Variants in TEF observed in about 807,000 individuals in gnomAD.
TEF encodes TEF transcription factor, PAR bZIP family member, also known as thyrotroph embryonic factor.
Under a neutral mutation model 20.8 loss-of-function variants are expected in TEF, and 3 were observed. The ratio of observed to expected loss-of-function variants is 0.14; its 90% CI spans 0.07 to 0.37. TEF has a LOEUF of 0.37. Ranked by LOEUF, TEF falls within the 10% of genes least tolerant of loss-of-function variation. TEF has a pLI of 1.00. For missense variants in TEF, 296 were observed against 397.9 expected (o/e 0.74, Z 2.18); for synonymous variants, 180 against 171.1 (o/e 1.05, Z -0.41).
In TEF at chr22:41,382,178, A is replaced by C. The variant is rs1295588262; in HGVS notation, c.134A>C (p.Asn45Thr). 5.0e-6 allele frequency: 5 copies of C among 1,008,572 alleles called. No homozygotes were observed. In the South Asian group the frequency reaches 1.4e-4, roughly 28 times the overall value. 62.5% of individuals were successfully genotyped at this position (1,008,572 alleles called of 1,614,324 possible). Residue 45 changes from asparagine (N) to threonine (T), a missense_variant, in exon 1 of 4, where the codon AAC becomes ACC. Transcript: ENST00000266304. ...FPLVLKKLME[N>T]PPREARLDKE... is the part of the protein sequence containing the mutation. ...CTGGTCCTGAAGAAGCTGATGGAGA[A>C]CCCCCCGCGCGAGGCGCGCCTCGGT...
chr22:41,368,303 C>A (rs1430554116), intron 1 of TEF, among the ~76,000 whole-genome samples: 5 of 152,120 alleles, frequency 3.3e-5, no homozygotes, highest in East Asian at 3.8e-4. Context: ...TCAGAGGTCA[C>A]CCCCAGGTCC....
rs2037237574 is a variant in TEF at position 41,397,023 on chromosome 22, G to A, written c.*1063G>A. On this transcript the variant is annotated 3_prime_UTR_variant, in exon 4 of 4. Transcript: ENST00000266304. ...TCACCGGTGTGGCCTGGGCTGGAGTGCACTCTCCCTGGGGGCAGCTGGGGC... is the reference window on the plus strand; with the variant it reads ...TCACCGGTGTGGCCTGGGCTGGAGTACACTCTCCCTGGGGGCAGCTGGGGC... 1 of 398,876 alleles carries A rather than the reference G, an allele frequency of 2.5e-6. No homozygotes were observed. The highest frequency in any genetic ancestry group is 3.6e-5 in the East Asian group (1 of 28,074). 24.7% of individuals were successfully genotyped at this position (398,876 alleles called of 1,614,324 possible).
rs1253286856 is a variant in TEF, at chr22:41,399,151, G to C, written c.*3191G>C. The C allele has an allele frequency of 6.6e-6, 1 of 152,648 alleles. No homozygotes were observed. Among genetic ancestry groups the C allele is most frequent in the African/African-American group, 2.4e-5 (1 of 41,420 alleles). The allele number at this position is 152,648 out of a possible 1,614,324, so 9.5% of individuals were successfully genotyped here. On this transcript the variant is annotated 3_prime_UTR_variant, in exon 4 of 4. Coordinates refer to ENST00000266304, the MANE Select transcript of TEF (RefSeq NM_003216.4). Reference sequence around the variant, plus strand: ...TCTTTACCTTTGTTGGGGGAAGGAGGCAAGAGAGAAATTCCTTCTTCCCAG... The same window carrying C: ...TCTTTACCTTTGTTGGGGGAAGGAGCCAAGAGAGAAATTCCTTCTTCCCAG...
chr22:41,397,435 AGAG>A lies in TEF; in HGVS notation c.*1479_*1481del, dbSNP rs2037243663. The A allele has an allele frequency of 4.2e-6, 1 of 235,900 alleles. No homozygotes were observed. Among genetic ancestry groups the A allele is most frequent in the Non-Finnish European group, 8.1e-6 (1 of 122,718 alleles). The allele number at this position is 235,900 out of a possible 1,614,324, so 14.6% of individuals were successfully genotyped here. ...GCTCAGGGCGGGCAGCCTATGGTGAAGAGGAGACAGAGGCGATGGGCGTGCTTC... is the reference window on the plus strand; with the variant it reads ...GCTCAGGGCGGGCAGCCTATGGTGAAGAGACAGAGGCGATGGGCGTGCTTC... On this transcript the variant is annotated 3_prime_UTR_variant, in exon 4 of 4. Transcript: ENST00000266304.
intron 2 of TEF, among the ~76,000 whole-genome samples, chr22:41,391,770 A>T (rs534325540): frequency 6.5e-4 from 98 of 151,780 alleles, no homozygotes; most frequent in African/African-American, 2.4e-3. Flanking sequence ...CTACAGGCGC[A>T]TGCCATCACG....
In TEF at chr22:41,398,498, A is replaced by G. The variant is rs1191976303; in HGVS notation, c.*2538A>G. ...AAAGCTTTGTGGCACCCTCAGTGCA[A>G]CCTCAGAACAGACAAATCATGAATG... is the stretch of plus-strand genomic sequence containing the variant. On this transcript the variant is annotated 3_prime_UTR_variant, in exon 4 of 4. Transcript: ENST00000266304. The G allele has an allele frequency of 2.6e-5, 4 of 153,740 alleles. No homozygotes were observed. Among genetic ancestry groups the G allele is most frequent in the Admixed American group, 6.5e-5 (1 of 15,272 alleles). The allele number at this position is 153,740 out of a possible 1,614,324, so 9.5% of individuals were successfully genotyped here.
At chr22:41,382,811 C>T (rs1467424970) in intron 1 of TEF, 4 of 446,538 alleles carry the variant, frequency 9.0e-6, no homozygotes, top group South Asian at 1.6e-5. Context: ...TAGTGTGAGG[C>T]GCCTTGGGAG....
intron 1 of TEF, among the ~76,000 whole-genome samples, chr22:41,375,787 G>C (rs570539462): frequency 3.3e-5 from 5 of 151,698 alleles, no homozygotes; most frequent in Non-Finnish European, 4.4e-5. Flanking sequence ...TTGGTTAACT[G>C]TCCTACTAGT....
At chr22:41,384,132 A>G (rs2037067342) in intron 1 of TEF, among the ~76,000 whole-genome samples, 2 of 152,208 alleles carry the variant, frequency 1.3e-5, no homozygotes, top group Non-Finnish European at 2.9e-5. Flanking sequence ...CTGGGAGTCC[A>G]TGTGTGGCTG....
At chr22:41,393,559 A>G (rs2037191156) in intron 2 of TEF, among the ~76,000 whole-genome samples, 1 of 152,132 alleles carries the variant, frequency 6.6e-6, no homozygotes, top group Non-Finnish European at 1.5e-5. Context: ...GATCAAGACC[A>G]TCCTGGCTAA....
At chr22:41,378,933 G>A (rs2036980418), upstream of TEF, among the ~76,000 whole-genome samples, 1 of 152,202 alleles carries the variant, frequency 6.6e-6, no homozygotes, top group Admixed American at 6.5e-5. Flanking sequence ...AGTGACACAG[G>A]CACCACACTA....
In TEF at chr22:41,397,354, G is replaced by T. The variant is rs537662772; in HGVS notation, c.*1394G>T. 34 of 365,178 alleles carry T rather than the reference G, an allele frequency of 9.3e-5. No homozygotes were observed. The South Asian group carries it at 4.4e-3, about 48-fold the overall frequency. The allele number at this position is 365,178 out of a possible 1,614,324, so 22.6% of individuals were successfully genotyped here. A position where few individuals can be genotyped will look rare whatever the true frequency, so the allele number is the denominator to read the frequency against. On this transcript the variant is annotated 3_prime_UTR_variant, in exon 4 of 4. Transcript: ENST00000266304. ...CAGAAGATTCACTGAGGAAACTCAT[G>T]GAAGCCTCTGCTCATTTGGGTCACT...
Position 41,375,543 on chromosome 22 carries a change from GATCGAGGCC to G in TEF, c.67+7947_67+7955del, listed in dbSNP as rs2036930620. ...AGGCGGGCGGATCGCGAGGTCAGGA[GATCGAGGCC>G]ATGCTGGCTAACACAGTGAAACCCC... On this transcript the variant is annotated intron_variant, in intron 1 of 3. Transcript: ENST00000406644. Among the ~76,000 whole-genome samples the G allele has an allele frequency of 8.5e-5, 13 of 152,272 alleles. No individual in the cohort carries two copies. The South Asian group carries it at 2.7e-3, about 32-fold the overall frequency.
At chr22:41,380,153 T>TA (rs577913154), upstream of TEF, among the ~76,000 whole-genome samples, 211 of 152,238 alleles carry the variant, frequency 1.4e-3, 1 homozygote, top group African/African-American at 4.3e-3. Flanking sequence ...AAATTATTTT[T>TA]ATTTATTTAT....
intron 1 of TEF, chr22:41,367,626 T>C (rs999211037): frequency 3.9e-6 from 6 of 1,549,674 alleles, no homozygotes; most frequent in South Asian, 2.4e-5. Context: ...CCTGCATTGA[T>C]TGGCTGCCCA....
At chr22:41,383,428 C>T (rs1468261526) in intron 1 of TEF, among the ~76,000 whole-genome samples, 1 of 152,152 alleles carries the variant, frequency 6.6e-6, no homozygotes, top group Non-Finnish European at 1.5e-5. Context: ...TTGAAATTAC[C>T]AGGTAATAAC....
At chr22:41,379,037 C>A (rs2036981491), upstream of TEF, among the ~76,000 whole-genome samples, 2 of 152,208 alleles carry the variant, frequency 1.3e-5, no homozygotes, top group Non-Finnish European at 2.9e-5. Flanking sequence ...CGCAAATTGG[C>A]TCACAGAAAC....
At position 41,396,097 on chromosome 22, in the gene TEF, C is replaced by T. The variant is rs1569259152; in HGVS notation, c.*137C>T. The T allele has an allele frequency of 7.6e-6, 7 of 920,760 alleles. No individual in the cohort carries two copies. In the East Asian group the frequency reaches 1.1e-4, roughly 14 times the overall value. The allele number at this position is 920,760 out of a possible 1,614,324, so 57.0% of individuals were successfully genotyped here. On this transcript the variant is annotated 3_prime_UTR_variant, in exon 4 of 4. Coordinates refer to ENST00000266304, the MANE Select transcript of TEF (RefSeq NM_003216.4). ...GGCGCACCTGCTGCAGGAGCGGCCA[C>T]GTCTCAGCTTCATTATACCATGGCC...
intron 2 of TEF, among the ~76,000 whole-genome samples, chr22:41,392,397 C>T (rs911741934): frequency 6.6e-6 from 1 of 152,020 alleles, no homozygotes; most frequent in African/African-American, 2.4e-5. Flanking sequence ...TAAATGGGGC[C>T]GGGCGCAGTG....
Sources: allele counts gnomAD v4.1 joint callset (sites outside exome capture counted in the v4.1 genomes callset), GRCh38; gene constraint gnomAD v4.1.1; transcripts MANE v1.5; gene names NCBI Gene and HGNC (gene_info 2026-07-23, HGNC 2026-07-21).